Variants in COL6A5 observed in about 807,000 individuals in gnomAD.
The protein encoded by COL6A5 is collagen type VI alpha 5 chain.
Under a neutral mutation model 65.6 loss-of-function variants are expected in COL6A5, and 48 were observed. That is an observed-to-expected ratio of 0.73 (90% CI 0.58 to 0.93). The LOEUF (loss-of-function observed/expected upper bound fraction) is 0.93. Among genes scored for constraint, COL6A5 ranks in the 40% least tolerant of loss-of-function variants. COL6A5 has a pLI of 0.00. For missense variants in COL6A5, 914 were observed against 928.3 expected (o/e 0.98, Z 0.20); for synonymous variants, 291 against 322.8 (o/e 0.90, Z 1.05).
chr3:130,439,731 T>C (rs1402498593), intron 2 of COL6A5, 116 bp downstream of exon 34: 11 of 733,868 alleles, frequency 1.5e-5, no homozygotes, highest in Non-Finnish European at 2.5e-5. Context: ...CTATTTTCAG[T>C]TTTCTAGTTT....
intron 7 of COL6A5, among the ~76,000 whole-genome samples, chr3:130,392,387 G>T (rs931859758): frequency 6.6e-6 from 1 of 152,158 alleles, no homozygotes; most frequent in African/African-American, 2.4e-5. Context: ...GGGTTGGTAG[G>T]CTGGAGACAT....
intron 7 of COL6A5, among the ~76,000 whole-genome samples, chr3:130,483,292 C>A (rs1710296056): frequency 6.6e-6 from 1 of 152,112 alleles, no homozygotes; most frequent in South Asian, 2.1e-4. Flanking sequence ...TAAAGACCAT[C>A]GACACTATGA....
chr3:130,434,332 A>G (rs1426600975), intron 1 of COL6A5, among the ~76,000 whole-genome samples: 1 of 152,158 alleles, frequency 6.6e-6, no homozygotes, highest in South Asian at 2.1e-4. Flanking sequence ...TATCCAGTCT[A>G]TCATTGATGG....
Position 130,401,952 on chromosome 3 carries a change from C to G in COL6A5, c.4227+98C>G. 3 of 855,012 alleles carry G rather than the reference C, an allele frequency of 3.5e-6. No individual in the cohort carries two copies. The South Asian group carries it at 5.0e-5, about 14-fold the overall frequency. The allele number at this position is 855,012 out of a possible 1,614,324, so 53.0% of individuals were successfully genotyped here. On this transcript the variant is annotated intron_variant and NMD_transcript_variant, in intron 12 of 41. Coordinates refer to the COL6A5 transcript ENST00000312481. The stretch of plus-strand genomic sequence containing the variant: ...TTGAATTTACAGCCTTCACTCTATG[C>G]TAATGGAATTGCTTTGGACATTTCA...
chr3:130,390,225 G>C (rs1473359415), intron 6 of COL6A5, among the ~76,000 whole-genome samples: 1 of 152,054 alleles, frequency 6.6e-6, no homozygotes, highest in Admixed American at 6.6e-5. Context: ...TGGAGGCCCT[G>C]TCTACAGCAT....
intron 5 of COL6A5, among the ~76,000 whole-genome samples, chr3:130,459,693 G>A (rs1403290438): frequency 6.6e-6 from 1 of 151,812 alleles, no homozygotes; most frequent in Non-Finnish European, 1.5e-5. Context: ...CCTGTCTGCT[G>A]TTCCCTTATT....
intron 1 of COL6A5, among the ~76,000 whole-genome samples, chr3:130,352,510 ATAAT>A (rs1934760678): frequency 6.6e-6 from 1 of 152,160 alleles, no homozygotes; most frequent in East Asian, 1.9e-4. Flanking sequence ...GTTTACATAA[ATAAT>A]TATATTTCAA....
At chr3:130,356,049 C>T (rs1478212776) in intron 1 of COL6A5, among the ~76,000 whole-genome samples, 1 of 152,012 alleles carries the variant, frequency 6.6e-6, no homozygotes, top group East Asian at 1.9e-4. Context: ...CCTCCTCTTC[C>T]TTTTTTTGCA....
exon 1 of COL6A5, chr3:130,431,508 C>G: frequency 6.4e-7 from 1 of 1,551,374 alleles, no homozygotes; most frequent in Non-Finnish European, 8.7e-7. Context: ...TTGCTCTGGA[C>G]AATTCCTACG....
rs1334616734 is a variant in COL6A5 at position 130,418,935 on chromosome 3, T to C, written c.4950+4T>C. The C allele has an allele frequency of 2.6e-6, 4 of 1,550,168 alleles. No individual in the cohort carries two copies. In the South Asian group the frequency reaches 4.8e-5, roughly 18 times the overall value. On this transcript the variant is annotated splice_donor_region_variant and intron_variant and NMD_transcript_variant, in intron 25 of 41. Transcript: ENST00000312481. ...AACTGGGCAGCGAGGAAGACAGGTA[T>C]GAAGTTTTGAAGTCCCTACCCTCCC... is the stretch of plus-strand genomic sequence containing the variant.
At position 130,399,361 on chromosome 3, in the gene COL6A5, C is replaced by T. The variant is rs564278103; in HGVS notation, c.3991+1250C>T. Among the ~76,000 whole-genome samples the T allele has an allele frequency of 2.0e-5, 3 of 147,208 alleles. No individual in the cohort carries two copies. The East Asian group carries it at 6.7e-4, about 33-fold the overall frequency. On this transcript the variant is annotated intron_variant and NMD_transcript_variant, in intron 10 of 41. Coordinates refer to the COL6A5 transcript ENST00000312481. ...TTTGCTTGCCATTTCAGCCTTAACTCATTTCTTTCTTTTTTTTTTTTTTTT... is the reference window on the plus strand; with the variant it reads ...TTTGCTTGCCATTTCAGCCTTAACTTATTTCTTTCTTTTTTTTTTTTTTTT...
At chr3:130,351,354 A>T (rs1417305286) in intron 1 of COL6A5, among the ~76,000 whole-genome samples, 1 of 152,220 alleles carries the variant, frequency 6.6e-6, no homozygotes, top group Non-Finnish European at 1.5e-5. Flanking sequence ...AGCAAAAGAA[A>T]CTACCACCAG....
chr3:130,425,642 C>G (rs1937588511), intron 29 of COL6A5, among the ~76,000 whole-genome samples: 1 of 152,174 alleles, frequency 6.6e-6, no homozygotes, highest in South Asian at 2.1e-4. Context: ...GCTCCATAAT[C>G]TCTTGGCATT....
chr3:130,375,460 C>G (rs1935728902), intron 2 of COL6A5, among the ~76,000 whole-genome samples: 2 of 152,042 alleles, frequency 1.3e-5, no homozygotes, highest in African/African-American at 4.8e-5. Context: ...CCTGTCCTAT[C>G]CTGTTTCTCT....
intron 10 of COL6A5, 82 bp downstream of exon 10, chr3:130,398,193 C>T (rs1232257940): frequency 1.2e-5 from 11 of 902,102 alleles, no homozygotes; most frequent in African/African-American, 1.8e-5. Context: ...TGCAGTGGCA[C>T]GATCTCAGCT....
chr3:130,391,108 C>T, intron 6 of COL6A5, 71 bp from the exon 7 acceptor site: 1 of 1,111,486 alleles, frequency 9.0e-7, no homozygotes, highest in Non-Finnish European at 1.3e-6. Context: ...TGCCAGTTCG[C>T]TTCCCTTCTC....
At chr3:130,437,721 C>G (rs1037299072) in intron 1 of COL6A5, among the ~76,000 whole-genome samples, 1 of 152,064 alleles carries the variant, frequency 6.6e-6, no homozygotes, top group African/African-American at 2.4e-5. Context: ...GCTAGGCATT[C>G]CCCTCGCTTC....
rs959220250 is a variant in COL6A5, at chr3:130,397,855, C to T, written c.3841C>T (p.His1281Tyr). ...GCAAGTCAACGTCAGTGGGCCAACT[C>T]ATCTGAACGCACAGTTCTTGCGGTC... The change falls in exon 9 of 42, where the codon CAT (histidine) becomes TAT (tyrosine). Residue 1281 changes from histidine to tyrosine, a missense_variant and NMD_transcript_variant. By Grantham distance (83) the His-to-Tyr change is moderately conservative. Transcript: ENST00000312481. The T allele has an allele frequency of 1.3e-6, 2 of 1,551,582 alleles. No homozygotes were observed. The highest frequency in any genetic ancestry group is 1.7e-6 in the Non-Finnish European group (2 of 1,147,002).
chr3:130,393,723 C>A (rs78347395), intron 7 of COL6A5, among the ~76,000 whole-genome samples: 10 of 152,324 alleles, frequency 6.6e-5, no homozygotes, highest in African/African-American at 2.2e-4. Context: ...AAGCTCCAAA[C>A]CTAGCAGAGA....
Sources: gnomAD v4.1 joint callset for allele counts (sites outside exome capture counted in the v4.1 genomes callset) on GRCh38, gnomAD v4.1.1 for gene constraint, MANE v1.5 for transcripts, NCBI Gene and HGNC (gene_info 2026-07-23, HGNC 2026-07-21) for gene names.